RANBP17: variants seen among roughly 807,000 people sequenced by gnomAD.
RANBP17 encodes RAN binding protein 17, also known as ran-binding protein 17.
Under a neutral mutation model 141.2 loss-of-function variants are expected in RANBP17, and 158 were observed. That is an observed-to-expected ratio of 1.12 (90% CI 0.98 to 1.28). The LOEUF is 1.28. RANBP17 is among the 50% of genes most tolerant of loss of function. The pLI is 0.00. For missense variants in RANBP17, 1,438 were observed against 1,290.7 expected (o/e 1.11, Z -1.75); for synonymous variants, 430 against 450.0 (o/e 0.96, Z 0.56).
At chr5:171,171,309 G>C (rs1324751555) in intron 16 of RANBP17, 23 bp downstream of exon 16, 1 of 1,305,768 alleles carries the variant, frequency 7.7e-7, no homozygotes, top group Non-Finnish European at 1.1e-6. Flanking sequence ...CTGTATATCT[G>C]ACATTATGTG....
At chr5:171,125,906 G>A (rs1460989745) in intron 14 of RANBP17, among the ~76,000 whole-genome samples, 1 of 151,646 alleles carries the variant, frequency 6.6e-6, no homozygotes, top group Non-Finnish European at 1.5e-5. Context: ...TTCTGCCTCA[G>A]CCTCCAGAGT....
intron 26 of RANBP17, among the ~76,000 whole-genome samples, 160 bp downstream of exon 26, chr5:171,294,141 C>T (rs1334536778): frequency 6.6e-6 from 1 of 152,144 alleles, no homozygotes; most frequent in African/African-American, 2.4e-5. Context: ...CTACAAGGCC[C>T]TTCCCCAAAG....
At chr5:170,897,222 G>C in intron 5 of RANBP17, 1 of 668,878 alleles carries the variant, frequency 1.5e-6, no homozygotes, top group Non-Finnish European at 2.8e-6. Flanking sequence ...GTTTTTGGCA[G>C]TCTGTATCAA....
chr5:170,974,439 G>C (rs1379750092), intron 14 of RANBP17, among the ~76,000 whole-genome samples: 1 of 152,146 alleles, frequency 6.6e-6, no homozygotes, highest in Non-Finnish European at 1.5e-5. Context: ...CTGGGGTAGG[G>C]ATTAGGCTCC....
chr5:171,126,979 A>G (rs1221392339), intron 14 of RANBP17, among the ~76,000 whole-genome samples: 3 of 152,220 alleles, frequency 2.0e-5, no homozygotes, highest in East Asian at 1.9e-4. Context: ...AAGACATTCT[A>G]TAAGGTCGGC....
At chr5:171,248,337 A>G (rs1173076450) in intron 24 of RANBP17, among the ~76,000 whole-genome samples, 1 of 150,888 alleles carries the variant, frequency 6.6e-6, no homozygotes, top group African/African-American at 2.4e-5. Flanking sequence ...ACTGCACTCC[A>G]GCCTGGGCAA....
intron 14 of RANBP17, among the ~76,000 whole-genome samples, chr5:171,000,299 T>C (rs1779112906): frequency 6.6e-6 from 1 of 152,166 alleles, no homozygotes; most frequent in Non-Finnish European, 1.5e-5. Context: ...TTGAGGAACC[T>C]CCATGCTCTT....
At chr5:170,918,666 C>T (rs1772175569) in intron 9 of RANBP17, 47 bp from the exon 10 acceptor site, 1 of 1,498,054 alleles carries the variant, frequency 6.7e-7, no homozygotes, top group Non-Finnish European at 9.0e-7. Context: ...TTTTATTGTC[C>T]ATAGGTTGGC....
chr5:171,069,917 C>G (rs1344896496), intron 14 of RANBP17, among the ~76,000 whole-genome samples: 1 of 152,092 alleles, frequency 6.6e-6, no homozygotes, highest in East Asian at 1.9e-4. Context: ...GAAATCTAAC[C>G]TTCTAAAAAC....
chr5:171,293,821 C>G, intron 25 of RANBP17, 62 bp from the exon 26 acceptor site: 1 of 1,227,164 alleles, frequency 8.1e-7, no homozygotes, highest in Non-Finnish European at 1.2e-6. Context: ...ACATGAAAGG[C>G]CTGGGATTAG....
At chr5:171,115,092 C>A (rs553994426) in intron 14 of RANBP17, among the ~76,000 whole-genome samples, 13 of 151,840 alleles carry the variant, frequency 8.6e-5, no homozygotes, top group Non-Finnish European at 1.6e-4. Flanking sequence ...CAGAGCAAGA[C>A]CCTGTCTCTA....
At chr5:171,144,804 A>G (rs1274715769) in intron 14 of RANBP17, among the ~76,000 whole-genome samples, 1 of 152,210 alleles carries the variant, frequency 6.6e-6, no homozygotes, top group Non-Finnish European at 1.5e-5. Flanking sequence ...TTCTTTTGTC[A>G]TGATCTTCTT....
intron 14 of RANBP17, among the ~76,000 whole-genome samples, chr5:171,087,535 T>C (rs1158238513): frequency 2.1e-4 from 32 of 149,144 alleles, no homozygotes; most frequent in Admixed American, 6.7e-4. Context: ...CTTTCTGTCT[T>C]GTTGATCTGT....
chr5:171,275,000 G>C lies in RANBP17; in HGVS notation c.2943+9153G>C, dbSNP rs1386214669. Among the ~76,000 whole-genome samples, 4 of 152,118 alleles carry C rather than the reference G, an allele frequency of 2.6e-5. No homozygotes were observed. In the East Asian group the frequency reaches 5.8e-4, roughly 22 times the overall value. ...CTTCCCAACCCCCACTAGGACATGT[G>C]TTTTTCTACCTCTAAGCACAGTTTA... On this transcript the variant is annotated intron_variant, in intron 25 of 27. Coordinates refer to ENST00000523189, the MANE Select transcript of RANBP17 (RefSeq NM_022897.5).
In RANBP17 at chr5:170,944,994, A is replaced by G. The variant is rs559682876; in HGVS notation, c.1469-8603A>G. ...ATCTTATCTGTCTCTCACTAGGCTCAGTTCCCTGAGCATGGAGTCTCTCTC... is the reference window on the plus strand; with the variant it reads ...ATCTTATCTGTCTCTCACTAGGCTCGGTTCCCTGAGCATGGAGTCTCTCTC... On this transcript the variant is annotated intron_variant, in intron 12 of 27. Transcript: ENST00000523189. 8.5e-5 allele frequency among the ~76,000 whole-genome samples: 13 copies of G among 152,324 alleles called. No individual in the cohort carries two copies. In the East Asian group the frequency reaches 2.3e-3, roughly 27 times the overall value.
intron 18 of RANBP17, among the ~76,000 whole-genome samples, chr5:171,197,968 G>A (rs980765264): frequency 1.3e-5 from 2 of 152,208 alleles, no homozygotes; most frequent in African/African-American, 4.8e-5. Context: ...GAACCTGAGA[G>A]GCAGAGCTTG....
chr5:171,005,105 G>T (rs1779497797), intron 14 of RANBP17, among the ~76,000 whole-genome samples: 1 of 152,130 alleles, frequency 6.6e-6, no homozygotes, highest in African/African-American at 2.4e-5. Flanking sequence ...GTCAGGAGCT[G>T]ACTGGGTGAT....
intron 14 of RANBP17, among the ~76,000 whole-genome samples, chr5:171,057,971 A>G (rs810496): frequency 0.67 from 101,499 of 151,474 alleles, 34,240 homozygotes; most frequent in South Asian, 0.89. Flanking sequence ...CATATCATAT[A>G]TTTTCATATT....
chr5:171,089,627 A>G (rs1310648598), intron 14 of RANBP17, among the ~76,000 whole-genome samples: 1 of 150,864 alleles, frequency 6.6e-6, no homozygotes, highest in Non-Finnish European at 1.5e-5. Context: ...TGGGCGTAGG[A>G]CCCTCCGAGC....
Sources: allele counts gnomAD v4.1 joint callset (sites outside exome capture counted in the v4.1 genomes callset), GRCh38; gene constraint gnomAD v4.1.1; transcripts MANE v1.5; gene names NCBI Gene and HGNC (gene_info 2026-07-23, HGNC 2026-07-21).